Variants in CNTN3 observed in about 807,000 individuals in gnomAD.
CNTN3 encodes the protein contactin-3.
Under a neutral mutation model 119.1 loss-of-function variants are expected in CNTN3, and 60 were observed. The observed-to-expected ratio is 0.50, with a 90% CI of 0.41 to 0.62. The LOEUF (loss-of-function observed/expected upper bound fraction) is 0.62. Ranked by LOEUF, CNTN3 falls within the 20% of genes least tolerant of loss-of-function variation. The pLI is 0.00. For missense variants in CNTN3, 1,101 were observed against 1,242.4 expected, an observed-to-expected ratio of 0.89 and a Z score of 1.71; for synonymous variants, 450 against 438.7, an observed-to-expected ratio of 1.03 and a Z score of -0.32.
chr3:74,579,770 A>G (rs533067437), intron 1 of CNTN3, among the ~76,000 whole-genome samples: 54 of 152,272 alleles, frequency 3.5e-4, no homozygotes, highest in African/African-American at 1.3e-3. Context: ...GCGTTGTTAA[A>G]AAGAAGTTTA....
In CNTN3 at chr3:74,486,443, A is replaced by G; in HGVS notation, c.358+13T>C. The G allele has an allele frequency of 6.3e-7, 1 of 1,580,442 alleles. No individual in the cohort carries two copies. The highest frequency in any genetic ancestry group is 8.5e-7 in the Non-Finnish European group (1 of 1,170,756). On this transcript the variant is annotated intron_variant, in intron 4 of 22. Coordinates refer to ENST00000263665, the MANE Select transcript of CNTN3 (RefSeq NM_020872.3). Reference sequence around the variant, plus strand: ...TAATGTTGGATTTGCTAGACATGTGAACATAAACTTACAGGCAAACTGAAG... The same window carrying G: ...TAATGTTGGATTTGCTAGACATGTGGACATAAACTTACAGGCAAACTGAAG...
intron 1 of CNTN3, among the ~76,000 whole-genome samples, chr3:74,545,828 T>G (rs965332555): frequency 6.6e-6 from 1 of 152,180 alleles, no homozygotes; most frequent in Non-Finnish European, 1.5e-5. Flanking sequence ...TATCACAATG[T>G]CAATATGGAT....
intron 1 of CNTN3, among the ~76,000 whole-genome samples, chr3:74,551,824 C>A (rs1255639562): frequency 1.6e-5 from 2 of 126,086 alleles, no homozygotes; most frequent in African/African-American, 3.1e-5. Context: ...AGTGCAGTGG[C>A]GCGATCTCGG....
chr3:74,336,182 A>G (rs1302914961), intron 12 of CNTN3, among the ~76,000 whole-genome samples: 1 of 152,104 alleles, frequency 6.6e-6, no homozygotes, highest in African/African-American at 2.4e-5. Context: ...GGACTTGAAC[A>G]TCTCCAGAAA....
At chr3:74,469,912 C>T (rs1392785076) in intron 4 of CNTN3, among the ~76,000 whole-genome samples, 1 of 152,124 alleles carries the variant, frequency 6.6e-6, no homozygotes, top group Non-Finnish European at 1.5e-5. Flanking sequence ...CAAATGCTTA[C>T]AGCAGCATTA....
intron 4 of CNTN3, among the ~76,000 whole-genome samples, chr3:74,477,009 GC>G (rs1702667480): frequency 6.6e-6 from 1 of 152,222 alleles, no homozygotes; most frequent in Non-Finnish European, 1.5e-5. Context: ...TGGGGGATAA[GC>G]AAAAGTGGAA....
At chr3:74,446,345 A>G (rs1702048037) in intron 4 of CNTN3, among the ~76,000 whole-genome samples, 1 of 152,210 alleles carries the variant, frequency 6.6e-6, no homozygotes. Flanking sequence ...GCATTTAGAT[A>G]TGCAGATAGG....
intron 20 of CNTN3, among the ~76,000 whole-genome samples, chr3:74,274,025 G>A (rs188940087): frequency 6.6e-6 from 1 of 152,152 alleles, no homozygotes; most frequent in East Asian, 1.9e-4. Flanking sequence ...AGTAAGGCCT[G>A]TGACTGCTGG....
At position 74,266,668 on chromosome 3, in the gene CNTN3, T is replaced by TA; in HGVS notation, c.2818-20dup. Reference sequence around the variant, plus strand: ...AGAAAACCTAAAATGCATGAACAAATACACTTACTTGTTATATTGCCCATT... The same window carrying TA: ...AGAAAACCTAAAATGCATGAACAAATAACACTTACTTGTTATATTGCCCATT... On this transcript the variant is annotated intron_variant, in intron 21 of 22. Coordinates refer to ENST00000263665, the MANE Select transcript of CNTN3 (RefSeq NM_020872.3). The TA allele has an allele frequency of 6.2e-7, 1 of 1,609,666 alleles. No homozygotes were observed. Among genetic ancestry groups the TA allele is most frequent in the Non-Finnish European group, 8.5e-7 (1 of 1,176,858 alleles).
At chr3:74,543,668 C>A (rs1013035684) in intron 1 of CNTN3, among the ~76,000 whole-genome samples, 1 of 151,770 alleles carries the variant, frequency 6.6e-6, no homozygotes, top group African/African-American at 2.4e-5. Context: ...TAATTTGTAC[C>A]CCTCCTCCTA....
intron 5 of CNTN3, among the ~76,000 whole-genome samples, chr3:74,394,305 T>C (rs983395201): frequency 2.6e-5 from 4 of 151,844 alleles, no homozygotes; most frequent in African/African-American, 4.9e-5. Context: ...ATAAAGGACA[T>C]ACCCTCTCTA....
At chr3:74,397,437 C>A (rs1705083675) in intron 5 of CNTN3, among the ~76,000 whole-genome samples, 1 of 151,940 alleles carries the variant, frequency 6.6e-6, no homozygotes, top group Non-Finnish European at 1.5e-5. Flanking sequence ...GCTCCACAAA[C>A]TGTGCTCATA....
chr3:74,344,280 T>C, intron 11 of CNTN3, among the ~76,000 whole-genome samples: 1 of 152,160 alleles, frequency 6.6e-6, no homozygotes, highest in Non-Finnish European at 1.5e-5. Context: ...CACCCTGCCC[T>C]GCTGTTGAGT....
At position 74,513,522 on chromosome 3, in the gene CNTN3, A is replaced by G. The variant is rs574388346; in HGVS notation, c.55+7536T>C. ...AAAGCTGTCCAGATAAAGAAACCAA[A>G]CAGTCACAAAGTTCAGGGAATATGG... is the stretch of plus-strand genomic sequence containing the variant. On this transcript the variant is annotated intron_variant, in intron 2 of 22. Transcript: ENST00000263665. Among the ~76,000 whole-genome samples the G allele has an allele frequency of 3.3e-5, 5 of 152,134 alleles. No homozygotes were observed. In the South Asian group the frequency reaches 1.0e-3, roughly 32 times the overall value.
chr3:74,533,425 AACC>A lies in CNTN3; in HGVS notation c.-80-12236_-80-12234del, dbSNP rs1703720648. On this transcript the variant is annotated intron_variant, in intron 1 of 22. Transcript: ENST00000263665. ...ATCACTTCACTCCCCAAGATATCCAAACCACAATTCTGGCACTATGGGTGGTAG... is the reference window on the plus strand; with the variant it reads ...ATCACTTCACTCCCCAAGATATCCAAACAATTCTGGCACTATGGGTGGTAG... Among the ~76,000 whole-genome samples the A allele has an allele frequency of 3.3e-5, 5 of 152,112 alleles. No homozygotes were observed. The South Asian group carries it at 1.0e-3, about 32-fold the overall frequency.
chr3:74,436,122 A>G (rs994360258), intron 4 of CNTN3, among the ~76,000 whole-genome samples: 1 of 152,228 alleles, frequency 6.6e-6, no homozygotes, highest in Non-Finnish European at 1.5e-5. Context: ...GGGTATTTGG[A>G]CAAGCGAGCG....
At chr3:74,335,365 A>C (rs1296283518) in intron 12 of CNTN3, among the ~76,000 whole-genome samples, 1 of 152,264 alleles carries the variant, frequency 6.6e-6, no homozygotes, top group Middle Eastern at 3.4e-3. Flanking sequence ...AGATGCTAGA[A>C]TAGGTACAAA....
At chr3:74,352,996 A>T (rs1428421228) in intron 11 of CNTN3, among the ~76,000 whole-genome samples, 1 of 152,166 alleles carries the variant, frequency 6.6e-6, no homozygotes, top group Non-Finnish European at 1.5e-5. Context: ...GGGCAGTGGA[A>T]GGCTGAGAGA....
chr3:74,314,302 C>T (rs1385768336), intron 13 of CNTN3, among the ~76,000 whole-genome samples: 1 of 152,112 alleles, frequency 6.6e-6, no homozygotes, highest in African/African-American at 2.4e-5. Flanking sequence ...GAAATTAATG[C>T]AGATATCTCA....
Sources: gnomAD v4.1 joint callset for allele counts (sites outside exome capture counted in the v4.1 genomes callset) on GRCh38, gnomAD v4.1.1 for gene constraint, MANE v1.5 for transcripts, NCBI Gene and HGNC (gene_info 2026-07-23, HGNC 2026-07-21) for gene names.